Variants in NCKAP5 observed in about 807,000 individuals in gnomAD.
NCKAP5 encodes the protein NCK associated protein 5, also known as nck-associated protein 5.
Under a neutral mutation model 167.0 loss-of-function variants are expected in NCKAP5, and 92 were observed. The observed-to-expected ratio is 0.55, with a 90% CI of 0.47 to 0.66. NCKAP5 has a LOEUF of 0.66. Among genes scored for constraint, NCKAP5 ranks in the 30% least tolerant of loss-of-function variants. NCKAP5 has a pLI of 0.00. For synonymous variants in NCKAP5, 891 were observed against 877.4 expected (o/e 1.02, Z -0.27); for missense variants, 2,378 against 2,315.0 (o/e 1.03, Z -0.56).
intron 3 of NCKAP5, among the ~76,000 whole-genome samples, chr2:133,406,818 C>T (rs1485488987): frequency 2.0e-5 from 3 of 152,180 alleles, no homozygotes; most frequent in Non-Finnish European, 2.9e-5. Context: ...CACAGTTTAG[C>T]TCCCCTTACA....
chr2:132,684,189 G>A (rs1230116701), intron 19 of NCKAP5, among the ~76,000 whole-genome samples: 1 of 152,200 alleles, frequency 6.6e-6, no homozygotes, highest in East Asian at 1.9e-4. Flanking sequence ...GAAGTGAAAG[G>A]TGCTTTGCTC....
chr2:133,427,121 A>C lies in NCKAP5; in HGVS notation c.69+90337T>G, dbSNP rs571393949. 2.0e-5 allele frequency among the ~76,000 whole-genome samples: 3 copies of C among 152,326 alleles called. No individual in the cohort carries two copies. The South Asian group carries it at 6.2e-4, about 32-fold the overall frequency. ...CATCAAAACACAAAAGCAACAAAGA[A>C]TCAATTAAACTGAAAGCTGGTTATT... On this transcript the variant is annotated intron_variant, in intron 3 of 19. Transcript: ENST00000409261.
intron 3 of NCKAP5, among the ~76,000 whole-genome samples, chr2:133,374,643 T>G (rs1686022521): frequency 6.6e-6 from 1 of 150,920 alleles, no homozygotes; most frequent in Admixed American, 6.6e-5. Flanking sequence ...ATATTGGTGA[T>G]GGGGAGAAGT....
Position 132,782,943 on chromosome 2 carries a change from G to C in NCKAP5, c.3868C>G (p.Pro1290Ala). Reference protein sequence around the residue: ...THSGDKPSTPPIEGSGKVRTQ... With the variant: ...THSGDKPSTPAIEGSGKVRTQ... ...CGGACTTTGCCTGACCCTTCGATGG[G>C]GGGCGTAGAAGGCTTGTCTCCTGAG... The change falls in exon 14 of 20, where the codon CCC becomes GCC. Residue 1290 changes from proline to alanine, a missense_variant. By Grantham distance (27) the Pro-to-Ala change is conservative. Coordinates refer to ENST00000409261, the MANE Select transcript of NCKAP5 (RefSeq NM_207363.3). The C allele has an allele frequency of 6.2e-7, 1 of 1,614,016 alleles. No homozygotes were observed.
intron 1 of NCKAP5, among the ~76,000 whole-genome samples, chr2:133,562,705 A>G (rs1348985359): frequency 6.6e-6 from 1 of 152,198 alleles, no homozygotes; most frequent in East Asian, 1.9e-4. Flanking sequence ...ATTCTCCTCA[A>G]AGGAATCACT....
At chr2:133,309,396 A>C (rs1366090159) in intron 3 of NCKAP5, among the ~76,000 whole-genome samples, 1 of 152,188 alleles carries the variant, frequency 6.6e-6, no homozygotes, top group Non-Finnish European at 1.5e-5. Context: ...CTCATGTTTG[A>C]AACAATGAAC....
intron 4 of NCKAP5, among the ~76,000 whole-genome samples, chr2:133,272,546 G>GA (rs1043502073): frequency 1.3e-5 from 2 of 151,886 alleles, no homozygotes; most frequent in African/African-American, 4.8e-5. Context: ...ATCAGTAGTT[G>GA]AAAAAAAATT....
At chr2:133,207,711 G>A (rs1336115654) in intron 5 of NCKAP5, among the ~76,000 whole-genome samples, 2 of 152,090 alleles carry the variant, frequency 1.3e-5, no homozygotes, top group Non-Finnish European at 2.9e-5. Context: ...AAGACCAAAA[G>A]CTAGGATAAA....
chr2:133,334,575 C>T (rs1211156012), intron 3 of NCKAP5, among the ~76,000 whole-genome samples: 1 of 152,194 alleles, frequency 6.6e-6, no homozygotes, highest in Non-Finnish European at 1.5e-5. Flanking sequence ...CAAGTTCATG[C>T]TCCTTCTGTC....
intron 5 of NCKAP5, among the ~76,000 whole-genome samples, chr2:133,133,860 T>C (rs1244404586): frequency 1.3e-5 from 2 of 152,210 alleles, no homozygotes; most frequent in African/African-American, 4.8e-5. Context: ...TTGCTCTGTT[T>C]CCATGGTTAG....
At chr2:133,484,382 G>A (rs1368435339) in intron 3 of NCKAP5, among the ~76,000 whole-genome samples, 1 of 152,136 alleles carries the variant, frequency 6.6e-6, no homozygotes, top group African/African-American at 2.4e-5. Context: ...TAGTGAGTAA[G>A]TTCTTCCCTA....
intron 3 of NCKAP5, among the ~76,000 whole-genome samples, chr2:133,438,342 G>T (rs191879919): frequency 1.4e-3 from 215 of 152,322 alleles, no homozygotes; most frequent in African/African-American, 4.9e-3. Flanking sequence ...GTTTCTGTTT[G>T]AACAGTGCTT....
At chr2:132,947,886 C>T (rs974258096) in intron 8 of NCKAP5, among the ~76,000 whole-genome samples, 9 of 152,130 alleles carry the variant, frequency 5.9e-5, no homozygotes, top group African/African-American at 1.7e-4. Flanking sequence ...TCTTATTCTT[C>T]GGGAAGGATT....
At chr2:132,760,295 T>G (rs937725525) in intron 16 of NCKAP5, among the ~76,000 whole-genome samples, 2 of 152,100 alleles carry the variant, frequency 1.3e-5, no homozygotes, top group African/African-American at 4.8e-5. Flanking sequence ...TGGTAGAAAA[T>G]TTATTATTAT....
chr2:133,271,044 C>T (rs1240417891), intron 4 of NCKAP5, among the ~76,000 whole-genome samples: 6 of 151,188 alleles, frequency 4.0e-5, no homozygotes, highest in African/African-American at 1.2e-4. Flanking sequence ...CTCAGCCTCC[C>T]GAGTAGCTGG....
At chr2:133,560,758 C>T (rs1688098253) in intron 1 of NCKAP5, among the ~76,000 whole-genome samples, 1 of 152,154 alleles carries the variant, frequency 6.6e-6, no homozygotes, top group African/African-American at 2.4e-5. Flanking sequence ...AAAGTGAGGG[C>T]TTACTATAGA....
chr2:132,854,606 G>T (rs1233398941), intron 11 of NCKAP5, among the ~76,000 whole-genome samples: 1 of 152,208 alleles, frequency 6.6e-6, no homozygotes, highest in African/African-American at 2.4e-5. Context: ...CTTCCCCAGG[G>T]CCCTCTGCAA....
intron 4 of NCKAP5, among the ~76,000 whole-genome samples, chr2:133,235,234 C>T (rs1334374694): frequency 6.6e-6 from 1 of 152,058 alleles, no homozygotes; most frequent in African/African-American, 2.4e-5. Flanking sequence ...TTCACTGTCC[C>T]TTGCAGACTT....
At chr2:133,333,348 T>G (rs1473138159) in intron 3 of NCKAP5, among the ~76,000 whole-genome samples, 2 of 152,106 alleles carry the variant, frequency 1.3e-5, no homozygotes, top group African/African-American at 2.4e-5. Flanking sequence ...GTATGATACA[T>G]CGGAAGAGGA....
Sources: allele counts gnomAD v4.1 joint callset (sites outside exome capture counted in the v4.1 genomes callset), GRCh38; gene constraint gnomAD v4.1.1; transcripts MANE v1.5; gene names NCBI Gene and HGNC (gene_info 2026-07-23, HGNC 2026-07-21).